CTNND2: variants seen among roughly 807,000 people sequenced by gnomAD.
The protein encoded by CTNND2 is catenin delta-2.
CTNND2 carries 22 observed loss-of-function variants against 144.4 expected under a neutral mutation model. That is an observed-to-expected ratio of 0.15 (90% CI 0.11 to 0.22). The LOEUF (loss-of-function observed/expected upper bound fraction) is 0.22, where lower values mean the gene tolerates loss of function less well. CTNND2 is among the 10% of genes least tolerant of loss of function. The pLI is 1.00. For synonymous variants in CTNND2, 751 were observed against 695.6 expected (o/e 1.08, Z -1.25); for missense variants, 1,353 against 1,618.8 (o/e 0.84, Z 2.82).
At chr5:11,078,644 C>G (rs1479574721) in intron 16 of CTNND2, among the ~76,000 whole-genome samples, 1 of 152,140 alleles carries the variant, frequency 6.6e-6, no homozygotes, top group Admixed American at 6.5e-5. Context: ...CACATACAAA[C>G]ACACAATACC....
At chr5:11,473,251 A>G (rs1767395213) in intron 3 of CTNND2, among the ~76,000 whole-genome samples, 1 of 152,200 alleles carries the variant, frequency 6.6e-6, no homozygotes, top group African/African-American at 2.4e-5. Context: ...ATGGCACCCA[A>G]CTGAAGAAGG....
At chr5:11,466,180 T>A (rs1766659030) in intron 3 of CTNND2, among the ~76,000 whole-genome samples, 1 of 152,154 alleles carries the variant, frequency 6.6e-6, no homozygotes, top group Non-Finnish European at 1.5e-5. Context: ...TTTTAAATTC[T>A]TTGTAGAGAC....
intron 2 of CTNND2, among the ~76,000 whole-genome samples, chr5:11,651,296 C>T (rs566417533): frequency 2.0e-5 from 3 of 152,308 alleles, no homozygotes; most frequent in African/African-American, 7.2e-5. Context: ...TGGTATGAAG[C>T]CTGCAGGTGC....
intron 16 of CTNND2, among the ~76,000 whole-genome samples, chr5:11,081,439 A>C (rs933463439): frequency 2.0e-5 from 3 of 152,216 alleles, no homozygotes. Flanking sequence ...GCTTAGGACC[A>C]GAAGTGTTTT....
intron 1 of CTNND2, among the ~76,000 whole-genome samples, chr5:11,759,723 T>C (rs1561771193): frequency 6.6e-6 from 1 of 152,150 alleles, no homozygotes; most frequent in African/African-American, 2.4e-5. Context: ...ATAACACTAA[T>C]TGTGTACGTA....
intron 8 of CTNND2, among the ~76,000 whole-genome samples, chr5:11,350,805 T>C (rs1755253389): frequency 6.6e-6 from 1 of 152,170 alleles, no homozygotes; most frequent in Non-Finnish European, 1.5e-5. Context: ...AAACCAACCA[T>C]TAGTAATGTA....
intron 11 of CTNND2, among the ~76,000 whole-genome samples, chr5:11,175,616 T>C (rs1277476601): frequency 7.3e-6 from 1 of 136,222 alleles, no homozygotes; most frequent in East Asian, 2.1e-4. Flanking sequence ...ACATTTAAGT[T>C]GTTTCTTTCT....
rs370733744 is a variant in CTNND2, at chr5:11,395,560, T to C, written c.612+1471A>G. Among the ~76,000 whole-genome samples the C allele has an allele frequency of 7.0e-4, 107 of 152,356 alleles. 1 individual carries two copies. Among genetic ancestry groups the C allele is most frequent in the African/African-American group, 2.1e-3 (86 of 41,590 alleles). The stretch of plus-strand genomic sequence containing the variant: ...CTTCAGATACAGAGCTTTGATATCT[T>C]TATAACTTAGTAACCCTTTCTGATT... On this transcript the variant is annotated intron_variant, in intron 6 of 21. Transcript: ENST00000304623.
intron 1 of CTNND2, among the ~76,000 whole-genome samples, chr5:11,735,832 T>C (rs933961409): frequency 6.6e-6 from 1 of 152,176 alleles, no homozygotes; most frequent in Non-Finnish European, 1.5e-5. Context: ...ACTCTTTTTC[T>C]CTATAAATTA....
At chr5:11,162,705 G>T (rs937306921) in intron 11 of CTNND2, among the ~76,000 whole-genome samples, 3 of 152,104 alleles carry the variant, frequency 2.0e-5, no homozygotes, top group Non-Finnish European at 4.4e-5. Context: ...TTCTTGAGGG[G>T]GAATTCAGCA....
intron 3 of CTNND2, among the ~76,000 whole-genome samples, chr5:11,443,226 T>G (rs1465518725): frequency 1.7e-5 from 2 of 117,678 alleles, no homozygotes; most frequent in East Asian, 2.3e-4. Flanking sequence ...GTGGTGTGTA[T>G]GTGTGTGTGA....
At chr5:11,692,319 C>A (rs1420684214) in intron 2 of CTNND2, among the ~76,000 whole-genome samples, 1 of 152,152 alleles carries the variant, frequency 6.6e-6, no homozygotes, top group African/African-American at 2.4e-5. Flanking sequence ...ATTCCCAACT[C>A]ATTATAAAAA....
intron 1 of CTNND2, among the ~76,000 whole-genome samples, chr5:11,801,343 G>A (rs1183160843): frequency 2.0e-5 from 3 of 152,268 alleles, no homozygotes; most frequent in South Asian, 2.1e-4. Context: ...CAGAGCATCC[G>A]ACTGATGATA....
At chr5:11,324,199 C>T (rs778073099) in intron 9 of CTNND2, among the ~76,000 whole-genome samples, 1 of 152,020 alleles carries the variant, frequency 6.6e-6, no homozygotes, top group Non-Finnish European at 1.5e-5. Context: ...CAGCAGGGAC[C>T]CAGAGTAGGC....
At chr5:11,052,277 A>T (rs893997689) in intron 16 of CTNND2, among the ~76,000 whole-genome samples, 3 of 152,166 alleles carry the variant, frequency 2.0e-5, no homozygotes, top group Admixed American at 6.5e-5. Flanking sequence ...CTTTCAGTTC[A>T]TGGAGAACTA....
At chr5:11,475,184 T>C (rs1767602301) in intron 3 of CTNND2, among the ~76,000 whole-genome samples, 1 of 152,218 alleles carries the variant, frequency 6.6e-6, no homozygotes, top group African/African-American at 2.4e-5. Context: ...CACTGAATAT[T>C]GGCAGAAAGT....
At chr5:11,224,656 C>T (rs1277919057) in intron 10 of CTNND2, among the ~76,000 whole-genome samples, 1 of 152,186 alleles carries the variant, frequency 6.6e-6, no homozygotes, top group Non-Finnish European at 1.5e-5. Flanking sequence ...ATCCTGGTGG[C>T]CAACCTCACA....
intron 14 of CTNND2, among the ~76,000 whole-genome samples, chr5:11,107,691 T>C (rs1435142357): frequency 6.6e-6 from 1 of 152,214 alleles, no homozygotes; most frequent in Non-Finnish European, 1.5e-5. Flanking sequence ...GCATTTGTTT[T>C]GGTGGTGATT....
chr5:11,196,484 T>C (rs1184944578), intron 11 of CTNND2, among the ~76,000 whole-genome samples: 1 of 152,202 alleles, frequency 6.6e-6, no homozygotes, highest in Non-Finnish European at 1.5e-5. Context: ...CTGAGCTCTG[T>C]ATTAGATCCA....
Sources: allele counts gnomAD v4.1 joint callset (sites outside exome capture counted in the v4.1 genomes callset), GRCh38; gene constraint gnomAD v4.1.1; transcripts MANE v1.5; gene names NCBI Gene and HGNC (gene_info 2026-07-23, HGNC 2026-07-21).